The following KCNE1 variants were observed in gnomAD, a reference collection of about 807,000 sequenced individuals.
KCNE1 encodes the protein potassium voltage-gated channel subfamily E regulatory subunit 1, also known as potassium voltage-gated channel subfamily E member 1.
In KCNE1, 1 loss-of-function variant was observed where a neutral mutation model predicts 2.9. That is an observed-to-expected ratio of 0.34 (90% confidence interval 0.12 to 1.62). The LOEUF is 1.62. Ranked by LOEUF, KCNE1 falls within the 40% of genes most tolerant of loss-of-function variation. The probability of loss-of-function intolerance (pLI) is 0.36; values close to 1 mark genes in which losing one functional copy is unlikely to be tolerated. For missense variants in KCNE1, 45 were observed against 150.5 expected (o/e 0.30, Z 3.67); for synonymous variants, 23 against 65.4 (o/e 0.35, Z 3.13).
intron 2 of KCNE1, among the ~76,000 whole-genome samples, chr21:34,500,623 A>T (rs1383845819): frequency 6.6e-6 from 1 of 152,194 alleles, no homozygotes; most frequent in African/African-American, 2.4e-5. Context: ...TTGTATGGTT[A>T]ATCATTTTTA....
chr21:34,497,082 G>A (rs1277701357), intron 2 of KCNE1, among the ~76,000 whole-genome samples: 1 of 152,098 alleles, frequency 6.6e-6, no homozygotes, highest in Non-Finnish European at 1.5e-5. Flanking sequence ...TCTTGAAGAT[G>A]GCAGATACTT....
intron 2 of KCNE1, among the ~76,000 whole-genome samples, chr21:34,497,802 A>G (rs1982904987): frequency 6.6e-6 from 1 of 152,194 alleles, no homozygotes. Flanking sequence ...TTTACTCAAG[A>G]ACACCAATTA....
Position 34,449,702 on chromosome 21 carries a change from ACCCC to A in KCNE1, c.-50-22_-50-19del. The A allele has an allele frequency of 1.5e-6, 1 of 654,678 alleles. No homozygotes were observed. The highest frequency in any genetic ancestry group is 1.9e-5 in the South Asian group (1 of 52,464). The allele number at this position is 654,678 out of a possible 1,614,324, so 40.6% of individuals were successfully genotyped here. Reference sequence around the variant, plus strand: ...GCACACCTCTTAAAGGAAAAATGCAACCCCAAATCAAAAAGTACGTATTGGCCAA... The same window carrying A: ...GCACACCTCTTAAAGGAAAAATGCAAAAATCAAAAAGTACGTATTGGCCAA... On this transcript the variant is annotated intron_variant, in intron 3 of 3. Transcript: ENST00000399286.
In KCNE1 at chr21:34,453,908, C is replaced by CA. The variant is rs202246187; in HGVS notation, c.-50-4225dup. 5.7e-3 allele frequency among the ~76,000 whole-genome samples: 587 copies of CA among 103,626 alleles called. 87 individuals are homozygous for CA. The highest frequency in any genetic ancestry group is 9.8e-3 in the Non-Finnish European group (487 of 49,574). The allele number at this position is 103,626 out of a possible 152,430, so 68.0% of individuals were successfully genotyped here. A position where few individuals can be genotyped will look rare whatever the true frequency, so the allele number is the denominator to read the frequency against. On this transcript the variant is annotated intron_variant, in intron 3 of 3. Transcript: ENST00000399286. The stretch of plus-strand genomic sequence containing the variant: ...TGGGTGACACAGCGAGACTCTGTCT[C>CA]AAAAAAAAATGCAGATTGCTGGGCT...
intron 2 of KCNE1, among the ~76,000 whole-genome samples, chr21:34,503,522 C>T (rs958777711): frequency 2.0e-5 from 3 of 152,184 alleles, no homozygotes; most frequent in Non-Finnish European, 2.9e-5. Flanking sequence ...GCCTCTCTCC[C>T]CACCCTGGAG....
chr21:34,511,870 G>A (rs1467503236), intron 1 of KCNE1, among the ~76,000 whole-genome samples, 157 bp downstream of exon 1: 3 of 152,168 alleles, frequency 2.0e-5, no homozygotes, highest in Non-Finnish European at 2.9e-5. Context: ...GAAGAAGTGA[G>A]GGGGGTTCAG....
At chr21:34,500,057 A>G (rs1004928762) in intron 2 of KCNE1, among the ~76,000 whole-genome samples, 6 of 152,180 alleles carry the variant, frequency 3.9e-5, no homozygotes, top group Non-Finnish European at 5.9e-5. Flanking sequence ...CAAGCTTCCC[A>G]AAGACACCGA....
At chr21:34,501,726 C>T (rs1302862535) in intron 2 of KCNE1, among the ~76,000 whole-genome samples, 1 of 152,140 alleles carries the variant, frequency 6.6e-6, no homozygotes, top group Admixed American at 6.5e-5. Flanking sequence ...AGTACATGGG[C>T]CCCAGGCCAG....
chr21:34,500,606 T>G (rs1451534429), intron 2 of KCNE1, among the ~76,000 whole-genome samples: 1 of 152,256 alleles, frequency 6.6e-6, no homozygotes. Context: ...ACACCATTCC[T>G]ACCCACTTGT....
At chr21:34,496,486 A>C (rs1982817513) in intron 2 of KCNE1, among the ~76,000 whole-genome samples, 1 of 152,120 alleles carries the variant, frequency 6.6e-6, no homozygotes. Flanking sequence ...TTCCTTTTGG[A>C]GTTCATTTCC....
At position 34,448,658 on chromosome 21, in the gene KCNE1, A is replaced by AGC. The variant is rs1980855821; in HGVS notation, c.*586_*587insGC. On this transcript the variant is annotated 3_prime_UTR_variant, in exon 4 of 4. Transcript: ENST00000399286. The stretch of plus-strand genomic sequence containing the variant: ...TAAGGGCATTGATTCTGCGACCTTA[A>AGC]CAGAGATCAGAATAACAGTGGCTTA... The AGC allele has an allele frequency of 2.6e-5, 1 of 38,944 alleles. No homozygotes were observed. The highest frequency in any genetic ancestry group is 9.8e-5 in the African/African-American group (1 of 10,172). The allele number at this position is 38,944 out of a possible 1,614,324, so 2.4% of individuals were successfully genotyped here.
At chr21:34,496,408 C>T (rs954320321) in intron 2 of KCNE1, among the ~76,000 whole-genome samples, 15 of 152,304 alleles carry the variant, frequency 9.8e-5, no homozygotes, top group African/African-American at 3.6e-4. Flanking sequence ...GTCTTGATTT[C>T]ATGGTTGACC....
At chr21:34,507,577 G>T (rs1253352407) in intron 2 of KCNE1, among the ~76,000 whole-genome samples, 3 of 152,188 alleles carry the variant, frequency 2.0e-5, no homozygotes, top group Non-Finnish European at 4.4e-5. Context: ...CTTTCCTGGG[G>T]GATTAAATGA....
intron 2 of KCNE1, among the ~76,000 whole-genome samples, chr21:34,496,076 C>T (rs966958728): frequency 3.3e-5 from 5 of 149,546 alleles, no homozygotes; most frequent in Non-Finnish European, 7.4e-5. Context: ...AGCTCAAATA[C>T]TTTTTTTTTT....
intron 2 of KCNE1, among the ~76,000 whole-genome samples, chr21:34,505,674 G>T (rs1276953147): frequency 6.6e-6 from 1 of 152,200 alleles, no homozygotes; most frequent in East Asian, 1.9e-4. Context: ...CATCCTCACC[G>T]CAATCCCTAC....
intron 2 of KCNE1, among the ~76,000 whole-genome samples, chr21:34,507,638 A>G (rs538564290): frequency 1.3e-5 from 2 of 152,320 alleles, no homozygotes; most frequent in South Asian, 2.1e-4. Flanking sequence ...GAAAGGACCT[A>G]GAGAAGAGAG....
intron 2 of KCNE1, among the ~76,000 whole-genome samples, chr21:34,505,457 T>C (rs956074382): frequency 3.3e-5 from 5 of 151,922 alleles, no homozygotes; most frequent in Non-Finnish European, 7.4e-5. Context: ...TTTTTTTTTT[T>C]GGAAAGCAAT....
intron 2 of KCNE1, among the ~76,000 whole-genome samples, chr21:34,503,214 T>A (rs917284959): frequency 1.3e-5 from 2 of 152,180 alleles, no homozygotes; most frequent in Non-Finnish European, 2.9e-5. Flanking sequence ...TTGGGTTCAA[T>A]TAATTTGTTA....
intron 1 of KCNE1, 82 bp downstream of exon 1, chr21:34,511,945 C>G (rs980866981): frequency 6.6e-6 from 1 of 152,442 alleles, no homozygotes; most frequent in Non-Finnish European, 1.5e-5. Context: ...ATGGCCTGAA[C>G]CTAGAATTCC....
Sources: allele counts gnomAD v4.1 joint callset (sites outside exome capture counted in the v4.1 genomes callset), GRCh38; gene constraint gnomAD v4.1.1; transcripts MANE v1.5; gene names NCBI Gene and HGNC (gene_info 2026-07-23, HGNC 2026-07-21).